The following ADAM20 variants were observed in gnomAD, a reference collection of about 807,000 sequenced individuals.
The protein encoded by ADAM20 is ADAM metallopeptidase domain 20.
For synonymous variants in ADAM20, 305 were observed against 310.2 expected (o/e 0.98, Z 0.18); for missense variants, 871 against 883.2 (o/e 0.99, Z 0.18).
chr14:70,565,773 T>A, the ADAM20 span, among the ~76,000 whole-genome samples: 1 of 152,246 alleles, frequency 6.6e-6, no homozygotes, highest in African/African-American at 2.4e-5. Context: ...ATGAGTAATC[T>A]ACAGCTGATG....
At chr14:70,546,474 C>T in the ADAM20 span, among the ~76,000 whole-genome samples, 1 of 152,082 alleles carries the variant, frequency 6.6e-6, no homozygotes, top group Non-Finnish European at 1.5e-5. Context: ...AAAGAGGGGA[C>T]TTCCAGGTCA....
the ADAM20 span, among the ~76,000 whole-genome samples, chr14:70,555,050 C>T: frequency 6.6e-6 from 1 of 152,146 alleles, no homozygotes; most frequent in African/African-American, 2.4e-5. Context: ...AAGTCATTTA[C>T]GGTGTACGCC....
chr14:70,579,401 C>A, the ADAM20 span, among the ~76,000 whole-genome samples: 1 of 151,940 alleles, frequency 6.6e-6, no homozygotes, highest in Non-Finnish European at 1.5e-5. Flanking sequence ...GGTATCTCGT[C>A]GTGGTTTTAA....
Position 70,522,751 on chromosome 14 carries a change from TC to T in ADAM20, c.2006del (p.Gly669GlufsTer17). 6.2e-7 allele frequency: 1 copy of T among 1,614,040 alleles called. No individual in the cohort carries two copies. On this transcript the variant is annotated frameshift_variant, in exon 2 of 2. Coordinates refer to ENST00000256389, the MANE Select transcript of ADAM20 (RefSeq NM_003814.5). LOFTEE classifies it low-confidence loss of function (END_TRUNC). ...GAGGTGGGCCACTATCAGCACTACC[TC>T]CATAGCCTTTGTCCTTGCAGTATGG... is the stretch of plus-strand genomic sequence containing the variant. ...APPYCKDKGY[G>X]GSADSGPPPK... is the part of the protein sequence containing the mutation.
In ADAM20 at chr14:70,522,364, G is replaced by T. The variant is rs1255555659; in HGVS notation, c.*213C>A. On this transcript the variant is annotated 3_prime_UTR_variant, in exon 2 of 2. Transcript: ENST00000256389. ...GGAAACATAAAGACACAACTTCTGG[G>T]AAAAGGAACCTTTAATATTGCTTAA... 1.5e-5 allele frequency: 7 copies of T among 478,462 alleles called. No homozygotes were observed. Among genetic ancestry groups the T allele is most frequent in the Admixed American group, 7.9e-5 (2 of 25,306 alleles). 29.6% of individuals were successfully genotyped at this position (478,462 alleles called of 1,614,324 possible).
the ADAM20 span, among the ~76,000 whole-genome samples, chr14:70,541,309 A>G: frequency 2.2e-4 from 34 of 152,200 alleles, no homozygotes; most frequent in African/African-American, 8.2e-4. Context: ...TAGCTGTACA[A>G]TTTGCATGGT....
Position 70,524,742 on chromosome 14 carries a change from G to A in ADAM20, c.16C>T (p.Pro6Ser), listed in dbSNP as rs373576636. 1.2e-6 allele frequency: 2 copies of A among 1,613,826 alleles called. No individual in the cohort carries two copies. Among genetic ancestry groups the A allele is most frequent in the African/African-American group, 1.3e-5 (1 of 74,910 alleles). Reference sequence around the variant, plus strand: ...AGAGTGACCCTGATGTGCACCAGGGGCTCACCCACTGCCATTATGAAGCTG... The same window carrying A: ...AGAGTGACCCTGATGTGCACCAGGGACTCACCCACTGCCATTATGAAGCTG... MAVGE[P>S]LVHIRVTLLL... Residue 6 changes from proline to serine, a missense_variant, in exon 2 of 2, where the codon CCC (proline) becomes TCC (serine). Pro to Ser is a moderately conservative substitution (Grantham distance 74, BLOSUM62 -1). Transcript: ENST00000256389.
the ADAM20 span, among the ~76,000 whole-genome samples, chr14:70,562,173 G>C: frequency 1.3e-5 from 2 of 152,250 alleles, no homozygotes; most frequent in East Asian, 1.9e-4. Flanking sequence ...CCCATCCCTT[G>C]CATCAGCATG....
the ADAM20 span, among the ~76,000 whole-genome samples, chr14:70,546,665 G>A: frequency 1.3e-5 from 2 of 152,068 alleles, no homozygotes; most frequent in African/African-American, 4.8e-5. Flanking sequence ...GATTTTGGGG[G>A]TCCAAGATAC....
chr14:70,555,996 A>T, the ADAM20 span, among the ~76,000 whole-genome samples: 1 of 152,206 alleles, frequency 6.6e-6, no homozygotes, highest in Non-Finnish European at 1.5e-5. Flanking sequence ...CCCACGAGGC[A>T]GGGCTCCCTC....
At chr14:70,577,116 C>T in the ADAM20 span, among the ~76,000 whole-genome samples, 65 of 152,278 alleles carry the variant, frequency 4.3e-4, 1 homozygote, top group Middle Eastern at 6.8e-3. Context: ...GAGAATATTT[C>T]CCAACTCATA....
chr14:70,530,688 C>T (rs563044554), intron 1 of ADAM20, among the ~76,000 whole-genome samples: 2 of 152,040 alleles, frequency 1.3e-5, no homozygotes, highest in African/African-American at 2.4e-5. Context: ...CCATCATTGC[C>T]CAAAACATTC....
Position 70,522,483 on chromosome 14 carries a change from TA to T in ADAM20, c.*93del. 7.9e-7 allele frequency: 1 copy of T among 1,258,792 alleles called. No individual in the cohort carries two copies. The allele number at this position is 1,258,792 out of a possible 1,614,324, so 78.0% of individuals were successfully genotyped here. On this transcript the variant is annotated 3_prime_UTR_variant, in exon 2 of 2. Coordinates refer to ENST00000256389, the MANE Select transcript of ADAM20 (RefSeq NM_003814.5). ...CATGAAATGTCCATGAAGTTTTATT[TA>T]AACAGTGAGACATGGCTTCATATTT...
At chr14:70,557,435 C>G in the ADAM20 span, 1 of 152,316 alleles carries the variant, frequency 6.6e-6, no homozygotes, top group East Asian at 1.9e-4. Context: ...TCTCCTTCCC[C>G]AACTATTAAC....
chr14:70,528,749 T>C (rs1478793810), intron 1 of ADAM20, among the ~76,000 whole-genome samples: 1 of 152,152 alleles, frequency 6.6e-6, no homozygotes, highest in Non-Finnish European at 1.5e-5. Flanking sequence ...AAGAGAAAAC[T>C]ATAAACAGGC....
At chr14:70,534,237 ATG>A (rs915780543) in intron 1 of ADAM20, among the ~76,000 whole-genome samples, 10 of 152,146 alleles carry the variant, frequency 6.6e-5, no homozygotes, top group African/African-American at 2.4e-4. Context: ...CTTAAAAAAA[ATG>A]TGACTTCCAA....
chr14:70,539,222 G>GT (rs1883897287), upstream of ADAM20, among the ~76,000 whole-genome samples: 1 of 151,570 alleles, frequency 6.6e-6, no homozygotes, highest in South Asian at 2.1e-4. Flanking sequence ...CCTGATTATT[G>GT]TAAATACAAA....
the ADAM20 span, among the ~76,000 whole-genome samples, chr14:70,574,134 A>C: frequency 6.6e-6 from 1 of 152,254 alleles, no homozygotes; most frequent in Non-Finnish European, 1.5e-5. Flanking sequence ...AGATTAAAGA[A>C]GACTGAAATA....
the ADAM20 span, among the ~76,000 whole-genome samples, chr14:70,576,438 T>A: frequency 2.6e-4 from 39 of 152,248 alleles, no homozygotes; most frequent in South Asian, 6.2e-4. Flanking sequence ...AAATTTTTTT[T>A]AAAAAATCTG....
Sources: gnomAD v4.1 joint callset for allele counts (sites outside exome capture counted in the v4.1 genomes callset) on GRCh38, gnomAD v4.1.1 for gene constraint, MANE v1.5 for transcripts, NCBI Gene and HGNC (gene_info 2026-07-23, HGNC 2026-07-21) for gene names.